GFRA1: variants seen among roughly 807,000 people sequenced by gnomAD.
The protein encoded by GFRA1 is GDNF family receptor alpha 1.
In GFRA1, 16 loss-of-function variants were observed where a neutral mutation model predicts 51.6. The ratio of observed to expected loss-of-function variants is 0.31; its 90% CI spans 0.21 to 0.47. The LOEUF (loss-of-function observed/expected upper bound fraction) is 0.47. Ranked by LOEUF, GFRA1 falls within the 20% of genes least tolerant of loss-of-function variation. The pLI, the probability that GFRA1 is intolerant of heterozygous loss-of-function variation, is 1.00. For synonymous variants in GFRA1, 270 were observed against 241.3 expected, an observed-to-expected ratio of 1.12 and a Z score of -1.10; for missense variants, 530 against 594.3, an observed-to-expected ratio of 0.89 and a Z score of 1.13.
In GFRA1 at chr10:116,223,011, A is replaced by G. The variant is rs796127834; in HGVS notation, c.419-11366T>C. ...TAACTCTATACAGAAGGATGTGCATAAGCAAGTAATTAAATGCAAATCCCA... is the reference window on the plus strand; with the variant it reads ...TAACTCTATACAGAAGGATGTGCATGAGCAAGTAATTAAATGCAAATCCCA... On this transcript the variant is annotated intron_variant, in intron 4 of 10. Transcript: ENST00000355422. Among the ~76,000 whole-genome samples, 43 of 152,350 alleles carry G rather than the reference A, an allele frequency of 2.8e-4. 1 individual carries two copies. The highest frequency in any genetic ancestry group is 1.0e-3 in the African/African-American group (42 of 41,586).
intron 9 of GFRA1, among the ~76,000 whole-genome samples, chr10:116,078,496 T>C (rs758745306): frequency 1.2e-4 from 18 of 152,100 alleles, no homozygotes; most frequent in Non-Finnish European, 2.6e-4. Flanking sequence ...TCCAGAGCTC[T>C]GTGATAAAGC....
At chr10:116,190,832 C>T (rs1963190967) in intron 5 of GFRA1, among the ~76,000 whole-genome samples, 1 of 152,220 alleles carries the variant, frequency 6.6e-6, no homozygotes, top group Non-Finnish European at 1.5e-5. Context: ...GACAAAGCTC[C>T]AAATGTTAAC....
chr10:116,260,398 G>A (rs190129287), intron 4 of GFRA1, among the ~76,000 whole-genome samples: 37 of 152,310 alleles, frequency 2.4e-4, no homozygotes, highest in African/African-American at 8.4e-4. Context: ...GTATGCCTAT[G>A]TGTCTGTATA....
chr10:116,257,267 G>A (rs1968936127), intron 4 of GFRA1, among the ~76,000 whole-genome samples: 1 of 152,092 alleles, frequency 6.6e-6, no homozygotes, highest in East Asian at 1.9e-4. Context: ...CTGCTCTGCT[G>A]TCTTTCTGCT....
At chr10:116,176,553 A>C (rs1961619567) in intron 5 of GFRA1, among the ~76,000 whole-genome samples, 1 of 152,118 alleles carries the variant, frequency 6.6e-6, no homozygotes, top group Non-Finnish European at 1.5e-5. Flanking sequence ...GCCATGATTG[A>C]AAGCTTCCTG....
chr10:116,071,819 T>C (rs1373411197), intron 9 of GFRA1, among the ~76,000 whole-genome samples: 2 of 152,216 alleles, frequency 1.3e-5, no homozygotes, highest in Non-Finnish European at 2.9e-5. Flanking sequence ...ACTCCTTTAC[T>C]GATTTTTGGA....
intron 6 of GFRA1, among the ~76,000 whole-genome samples, chr10:116,115,503 T>G (rs1454889305): frequency 6.7e-6 from 1 of 148,942 alleles, no homozygotes; most frequent in Non-Finnish European, 1.5e-5. Context: ...AGCCCTGCCC[T>G]GCCCTCCAGG....
rs146640423 is a variant in GFRA1, at chr10:116,061,602, C to T, written c.*2796G>A. The T allele has an allele frequency of 6.7e-4, 112 of 166,102 alleles. No homozygotes were observed. Among genetic ancestry groups the T allele is most frequent in the Non-Finnish European group, 1.2e-3 (90 of 77,704 alleles). The allele number at this position is 166,102 out of a possible 1,614,324, so 10.3% of individuals were successfully genotyped here. On this transcript the variant is annotated 3_prime_UTR_variant, in exon 11 of 11. Transcript: ENST00000355422. ...ATGGCTAGATGTAATCAGGGAGTCA[C>T]GGTCTGCATGGACCCTAGTTACTGT...
intron 3 of GFRA1, 147 bp from the exon 4 acceptor site, chr10:116,269,733 C>T: frequency 1.5e-6 from 1 of 680,336 alleles, no homozygotes; most frequent in South Asian, 1.6e-5. Context: ...ATCTCTTTCA[C>T]TATGGTTATT....
At chr10:116,140,168 A>T (rs10885861) in intron 5 of GFRA1, among the ~76,000 whole-genome samples, 54,119 of 151,844 alleles carry the variant, frequency 0.36, 9,671 homozygotes, top group Admixed American at 0.4. Flanking sequence ...AAGGTGGAAG[A>T]GGGGACTGGC....
intron 5 of GFRA1, among the ~76,000 whole-genome samples, chr10:116,172,609 C>T (rs750875078): frequency 3.3e-5 from 5 of 152,050 alleles, no homozygotes; most frequent in African/African-American, 1.2e-4. Flanking sequence ...CTAGGCTGAA[C>T]GGGATGAATG....
In GFRA1 at chr10:116,155,385, T is replaced by G. The variant is rs574941708; in HGVS notation, c.434-29828A>C. ...AGGGAAGGAAGAAGCAAGCAGCTGA[T>G]GCCACCTGTCACCTGTTTTTCCTCA... On this transcript the variant is annotated intron_variant, in intron 5 of 10. Coordinates refer to ENST00000355422, the MANE Select transcript of GFRA1 (RefSeq NM_005264.8). 2.6e-5 allele frequency among the ~76,000 whole-genome samples: 4 copies of G among 152,202 alleles called. No homozygotes were observed. The South Asian group carries it at 8.3e-4, about 32-fold the overall frequency.
chr10:116,259,934 C>T (rs1323244004), intron 4 of GFRA1, among the ~76,000 whole-genome samples: 1 of 152,150 alleles, frequency 6.6e-6, no homozygotes, highest in African/African-American at 2.4e-5. Flanking sequence ...CAGCTTAGTG[C>T]AGGACACACG....
intron 4 of GFRA1, among the ~76,000 whole-genome samples, chr10:116,228,935 C>T (rs150601729): frequency 0.022 from 2,961 of 133,766 alleles, 105 homozygotes; most frequent in African/African-American, 0.079. Context: ...GAGCCAAGAT[C>T]GCGCCACTGC....
chr10:116,236,114 C>T (rs1347562585), intron 4 of GFRA1, among the ~76,000 whole-genome samples: 1 of 152,116 alleles, frequency 6.6e-6, no homozygotes, highest in Non-Finnish European at 1.5e-5. Context: ...AAAATTCACC[C>T]TTGCTTTGGC....
At chr10:116,224,995 A>C (rs1200048089) in intron 4 of GFRA1, among the ~76,000 whole-genome samples, 2 of 152,144 alleles carry the variant, frequency 1.3e-5, no homozygotes, top group Non-Finnish European at 2.9e-5. Context: ...TAGCTAGAGA[A>C]AACTATGCTC....
At chr10:116,230,389 G>T (rs1479605917) in intron 4 of GFRA1, among the ~76,000 whole-genome samples, 1 of 152,210 alleles carries the variant, frequency 6.6e-6, no homozygotes, top group African/African-American at 2.4e-5. Flanking sequence ...GAAGGAGCTG[G>T]ATTCCAAATT....
chr10:116,073,766 T>C (rs1955504581), intron 9 of GFRA1, among the ~76,000 whole-genome samples: 1 of 152,098 alleles, frequency 6.6e-6, no homozygotes, highest in African/African-American at 2.4e-5. Flanking sequence ...AGATAATATT[T>C]ATTAAGCCTC....
intron 5 of GFRA1, among the ~76,000 whole-genome samples, chr10:116,164,951 CTTT>C (rs1960221950): frequency 6.6e-6 from 1 of 152,096 alleles, no homozygotes; most frequent in African/African-American, 2.4e-5. Context: ...AACTGTTGTT[CTTT>C]TTAAGTATGT....
Sources: allele counts gnomAD v4.1 joint callset (sites outside exome capture counted in the v4.1 genomes callset), GRCh38; gene constraint gnomAD v4.1.1; transcripts MANE v1.5; gene names NCBI Gene and HGNC (gene_info 2026-07-23, HGNC 2026-07-21).